ICE1: variants seen among roughly 807,000 people sequenced by gnomAD.
ICE1 encodes the protein interactor of little elongation complex ELL subunit 1.
A neutral mutation model predicts 192.7 loss-of-function variants in ICE1; 64 were observed. That is an observed-to-expected ratio of 0.33 (90% CI 0.27 to 0.41). ICE1 has a LOEUF of 0.41. ICE1 is among the 10% of genes least tolerant of loss of function. ICE1 has a pLI of 1.00. For synonymous variants in ICE1, 1,010 were observed against 984.5 expected (o/e 1.03, Z -0.49); for missense variants, 2,708 against 2,696.0 (o/e 1.00, Z -0.10).
At chr5:5,469,808 A>G (rs1269915859) in intron 15 of ICE1, among the ~76,000 whole-genome samples, 1 of 152,174 alleles carries the variant, frequency 6.6e-6, no homozygotes, top group Non-Finnish European at 1.5e-5. Flanking sequence ...GTTTGTAATG[A>G]TCTCTTCATC....
chr5:5,466,282 C>T (rs1738980919), intron 13 of ICE1, 52 bp from the exon 14 acceptor site: 2 of 1,455,100 alleles, frequency 1.4e-6, no homozygotes, highest in Non-Finnish European at 1.8e-6. Flanking sequence ...CTTTGGTAGG[C>T]TGAAGATAAG....
At chr5:5,423,762 A>G (rs539620740) in intron 1 of ICE1, among the ~76,000 whole-genome samples, 1 of 152,138 alleles carries the variant, frequency 6.6e-6, no homozygotes, top group South Asian at 2.1e-4. Context: ...ACTTCCTACT[A>G]TCGCGGTTTC....
chr5:5,483,116 G>A lies in ICE1; in HGVS notation c.6521-3605G>A, dbSNP rs543511297. ...AGCGATTCTCCTGTCTCAGCCTCCC[G>A]AGTAGCTGGGATTACAGGCATGCGC... On this transcript the variant is annotated intron_variant, in intron 17 of 18. Coordinates refer to ENST00000296564, the MANE Select transcript of ICE1 (RefSeq NM_015325.3). 4.6e-5 allele frequency among the ~76,000 whole-genome samples: 7 copies of A among 152,010 alleles called. No individual in the cohort carries two copies. In the South Asian group the frequency reaches 8.3e-4, roughly 18 times the overall value.
chr5:5,468,570 A>G (rs1739061618), intron 14 of ICE1, among the ~76,000 whole-genome samples: 1 of 152,218 alleles, frequency 6.6e-6, no homozygotes. Flanking sequence ...AAACCTATGT[A>G]ATGCAAAACC....
intron 14 of ICE1, among the ~76,000 whole-genome samples, chr5:5,466,710 A>G (rs990695781): frequency 1.3e-5 from 2 of 152,254 alleles, no homozygotes; most frequent in African/African-American, 4.8e-5. Flanking sequence ...TTGTAAATAA[A>G]TGAGTATCTC....
At chr5:5,483,022 C>T (rs1739547330) in intron 17 of ICE1, among the ~76,000 whole-genome samples, 2 of 152,026 alleles carry the variant, frequency 1.3e-5, no homozygotes, top group Admixed American at 1.3e-4. Context: ...CGGAGTTTCG[C>T]TCTTGTTGCC....
chr5:5,466,584 T>G, intron 14 of ICE1, 82 bp downstream of exon 14: 1 of 1,119,036 alleles, frequency 8.9e-7, no homozygotes, highest in East Asian at 2.5e-5. Context: ...TTTTCAGCTC[T>G]GATTACTGTG....
chr5:5,464,305 T>C lies in ICE1; in HGVS notation c.4971T>C (p.Ser1657=), dbSNP rs145441296. 5,542 of 1,613,680 alleles carry C rather than the reference T, an allele frequency of 3.4e-3. 17 individuals are homozygous for C. Among genetic ancestry groups the C allele is most frequent in the Non-Finnish European group, 3.8e-3 (4,483 of 1,179,818 alleles). ...SQPLSPLISS[S]SPSSPASPVG... ...CACTGTCTCCACTGATATCGAGTTC[T>C]AGTCCTTCCTCACCAGCCTCTCCTG... The change falls in exon 13 of 19, where the codon TCT becomes TCC. Residue 1657 remains serine, a synonymous_variant. Transcript: ENST00000296564. This position sits in a 1 kb window ranked among gnomAD's most constrained non-coding sequence, Gnocchi z 4.0.
intron 17 of ICE1, among the ~76,000 whole-genome samples, chr5:5,484,119 C>T (rs1296022642): frequency 6.6e-6 from 1 of 152,138 alleles, no homozygotes; most frequent in African/African-American, 2.4e-5. Context: ...CTGGAGTGTC[C>T]TCACATACCT....
Position 5,468,960 on chromosome 5 carries a change from G to C in ICE1, c.6194G>C (p.Cys2065Ser). ...CGTGCTAAAGGAGAGGTTCTGAACT[G>C]CTTGAGAGCTTTTCTTAATTGGGAA... is the stretch of plus-strand genomic sequence containing the variant. ...RQRAKGEVLN[C>S]LRAFLNWEKN... The change falls in exon 15 of 19, where the codon TGC (cysteine) becomes TCC (serine). Residue 2065 changes from cysteine to serine, a missense_variant. Cys to Ser is a moderately radical substitution (Grantham distance 112). Transcript: ENST00000296564. The C allele has an allele frequency of 6.6e-7, 1 of 1,525,568 alleles. No homozygotes were observed. The highest frequency in any genetic ancestry group is 8.8e-7 in the Non-Finnish European group (1 of 1,140,660). 94.5% of individuals were successfully genotyped at this position (1,525,568 alleles called of 1,614,324 possible). A position where few individuals can be genotyped will look rare whatever the true frequency, so the allele number is the denominator to read the frequency against.
At chr5:5,426,093 T>C (rs544924698) in intron 1 of ICE1, among the ~76,000 whole-genome samples, 22 of 152,348 alleles carry the variant, frequency 1.4e-4, no homozygotes, top group African/African-American at 5.0e-4. Flanking sequence ...GCTTCCAAGG[T>C]GCCCTAATAT....
intron 10 of ICE1, 110 bp from the exon 11 acceptor site, chr5:5,454,442 A>C: frequency 4.5e-6 from 3 of 666,018 alleles, no homozygotes; most frequent in Non-Finnish European, 8.1e-6. Flanking sequence ...GGGAAGATGT[A>C]TATGTAATTT....
Position 5,468,971 on chromosome 5 carries a change from T to C in ICE1, c.6205T>C (p.Phe2069Leu). ...KGEVLNCLRAFLNWEKNAPVD... is the reference protein window; with the variant it reads ...KGEVLNCLRALLNWEKNAPVD... Reference sequence around the variant, plus strand: ...AGAGGTTCTGAACTGCTTGAGAGCTTTTCTTAATTGGGAAAAGGTGAGCCA... The same window carrying C: ...AGAGGTTCTGAACTGCTTGAGAGCTCTTCTTAATTGGGAAAAGGTGAGCCA... The change falls in exon 15 of 19, where the codon TTT (phenylalanine) becomes CTT (leucine). Residue 2069 changes from phenylalanine to leucine, a missense_variant. Physicochemically the swap from Phe to Leu is conservative, Grantham distance 22. Around this residue, in one of 2 missense-constraint regions of ICE1, gnomAD observed 342 missense variants for 419.3 expected, o/e 0.82. Coordinates refer to ENST00000296564, the MANE Select transcript of ICE1 (RefSeq NM_015325.3). 1 of 1,514,054 alleles carries C rather than the reference T, an allele frequency of 6.6e-7. No individual in the cohort carries two copies. The highest frequency in any genetic ancestry group is 8.8e-7 in the Non-Finnish European group (1 of 1,134,628). The allele number at this position is 1,514,054 out of a possible 1,614,324, so 93.8% of individuals were successfully genotyped here. A position where few individuals can be genotyped will look rare whatever the true frequency, so the allele number is the denominator to read the frequency against.
At chr5:5,424,032 C>T (rs989669589) in intron 1 of ICE1, among the ~76,000 whole-genome samples, 9 of 152,102 alleles carry the variant, frequency 5.9e-5, no homozygotes, top group African/African-American at 2.2e-4. Flanking sequence ...ATCGGGCTGT[C>T]AGAAGAGATG....
chr5:5,445,746 T>C (rs1467541778), intron 7 of ICE1, among the ~76,000 whole-genome samples: 1 of 151,988 alleles, frequency 6.6e-6, no homozygotes, highest in East Asian at 1.9e-4. Flanking sequence ...TTTTTTTTTT[T>C]TTTTGAGAGG....
At position 5,489,463 on chromosome 5, in the gene ICE1, C is replaced by T. The variant is rs1252620786; in HGVS notation, c.*133C>T. ...ATAGATAAAACAGACCAGAGGCTCT[C>T]CTTATTGTTTGGCAAGGAGACAGGA... On this transcript the variant is annotated 3_prime_UTR_variant, in exon 19 of 19. Transcript: ENST00000296564. 1 of 775,178 alleles carries T rather than the reference C, an allele frequency of 1.3e-6. No individual in the cohort carries two copies. Among genetic ancestry groups the T allele is most frequent in the African/African-American group, 1.8e-5 (1 of 57,134 alleles). The allele number at this position is 775,178 out of a possible 1,614,324, so 48.0% of individuals were successfully genotyped here.
chr5:5,444,077 A>T (rs1351624666), intron 6 of ICE1, among the ~76,000 whole-genome samples: 1 of 152,222 alleles, frequency 6.6e-6, no homozygotes, highest in East Asian at 1.9e-4. Flanking sequence ...GGCCCATGGC[A>T]TGTGTTTCAA....
chr5:5,423,032 G>C (rs769234020), intron 1 of ICE1, 33 bp downstream of exon 1: 8 of 1,320,376 alleles, frequency 6.1e-6, no homozygotes, highest in Non-Finnish European at 7.8e-6. Context: ...GGGCGCGGGG[G>C]GGGACTCGGC....
intron 1 of ICE1, among the ~76,000 whole-genome samples, chr5:5,424,637 A>T (rs1228935607): frequency 6.6e-6 from 1 of 152,210 alleles, no homozygotes; most frequent in Non-Finnish European, 1.5e-5. Context: ...GATGAATTGA[A>T]CAGAGATGGG....
Sources: gnomAD v4.1 joint callset for allele counts (sites outside exome capture counted in the v4.1 genomes callset) on GRCh38, gnomAD v4.1.1 for gene constraint, gnomAD v4.1.1 regional missense constraint, Gnocchi (gnomAD v3.1) non-coding constraint, MANE v1.5 for transcripts, NCBI Gene and HGNC (gene_info 2026-07-23, HGNC 2026-07-21) for gene names.